Variants in SMC4 observed in about 807,000 individuals in gnomAD.
SMC4 encodes structural maintenance of chromosomes protein 4.
SMC4 carries 87 observed loss-of-function variants against 145.6 expected under a neutral mutation model. The ratio of observed to expected loss-of-function variants is 0.60; its 90% CI spans 0.50 to 0.71. SMC4 has a LOEUF of 0.71. SMC4 is among the 30% of genes least tolerant of loss of function. The probability of loss-of-function intolerance (pLI) is 0.00; values close to 1 mark genes in which losing one functional copy is unlikely to be tolerated. For synonymous variants in SMC4, 558 were observed against 500.7 expected (o/e 1.11, Z -1.53); for missense variants, 1,447 against 1,537.1 (o/e 0.94, Z 0.98).
chr3:160,404,775 G>A (rs777900452), intron 5 of SMC4: 14 of 598,018 alleles, frequency 2.3e-5, no homozygotes, highest in Middle Eastern at 3.5e-4. Context: ...AAATATTGGC[G>A]TAGTGAAATA....
chr3:160,412,139 CA>C, intron 6 of SMC4, 55 bp downstream of exon 6: 2 of 1,558,118 alleles, frequency 1.3e-6, no homozygotes, highest in Non-Finnish European at 8.7e-7. Context: ...TATGATCTAA[CA>C]AATTTTAGTA....
At position 160,404,375 on chromosome 3, in the gene SMC4, C is replaced by T. The variant is rs747718666; in HGVS notation, c.558C>T (p.Ser186=). 11 of 1,609,046 alleles carry T rather than the reference C, an allele frequency of 6.8e-6. No individual in the cohort carries two copies. The East Asian group carries it at 2.0e-4, about 29-fold the overall frequency. ...TTCCTAACAGTAATTTCTATGTATC[C>T]AGAACGGCCTGCAGAGATAATACTT... The part of the protein sequence containing the change: ...EVIPNSNFYV[S]RTACRDNTSV... The change falls in exon 5 of 24, where the codon TCC becomes TCT. Residue 186 remains serine, a synonymous_variant. Transcript: ENST00000357388.
intron 22 of SMC4, 186 bp from the exon 23 acceptor site, chr3:160,432,840 T>C (rs983154790): frequency 2.5e-5 from 14 of 553,630 alleles, no homozygotes; most frequent in African/African-American, 2.1e-4. Context: ...AACTTTGGTA[T>C]GTGCTCCTAT....
chr3:160,433,105 G>C lies in SMC4; in HGVS notation c.3610G>C (p.Val1204Leu), dbSNP rs1157436566. 1 of 1,613,304 alleles carries C rather than the reference G, an allele frequency of 6.2e-7. No homozygotes were observed. Among genetic ancestry groups the C allele is most frequent in the Non-Finnish European group, 8.5e-7 (1 of 1,179,342 alleles). The change falls in exon 23 of 24, where the codon GTA (valine) becomes CTA (leucine). Residue 1204 changes from valine to leucine, a missense_variant. By Grantham distance (32) the Val-to-Leu change is conservative. Coordinates refer to ENST00000357388, the MANE Select transcript of SMC4 (RefSeq NM_001002800.3). ...GAAAACACTTAGTTCATTGGCTTTA[G>C]TATTTGCTCTTCACCACTACAAGCC... ...GEKTLSSLALVFALHHYKPTP... is the reference protein window; with the variant it reads ...GEKTLSSLALLFALHHYKPTP...
intron 22 of SMC4, chr3:160,432,753 G>A (rs534155427): frequency 3.8e-6 from 2 of 525,438 alleles, no homozygotes; most frequent in South Asian, 6.2e-5. Flanking sequence ...TTTTTAACAT[G>A]AGGATTGAGA....
chr3:160,401,563 C>T (rs1270292956), intron 2 of SMC4, among the ~76,000 whole-genome samples: 2 of 152,134 alleles, frequency 1.3e-5, no homozygotes, highest in East Asian at 1.9e-4. Flanking sequence ...TAGGATTTAA[C>T]CTCCTGTTTA....
rs747640877 is a variant in SMC4 at position 160,423,384 on chromosome 3, T to G, written c.2020-41T>G. 9 of 1,229,164 alleles carry G rather than the reference T, an allele frequency of 7.3e-6. No homozygotes were observed. The Admixed American group carries it at 2.3e-4, about 31-fold the overall frequency. The allele number at this position is 1,229,164 out of a possible 1,614,324, so 76.1% of individuals were successfully genotyped here. On this transcript the variant is annotated intron_variant, in intron 13 of 23. Coordinates refer to ENST00000357388, the MANE Select transcript of SMC4 (RefSeq NM_001002800.3). The stretch of plus-strand genomic sequence containing the variant: ...GTTTTTTTTTTTGAGTTTTCTTTTT[T>G]GTTAACTGTTGTTTTTGTTTGTTTG...
chr3:160,400,939 G>A lies in SMC4; in HGVS notation c.113G>A (p.Arg38His). ...SDAEPEPPSG[R>H]TESPATAAET... ...GCGGAGCCTGAGCCGCCGTCCGGCC[G>A]CACGGAGAGCCCAGCCACCGCCGCA... Residue 38 changes from arginine (R) to histidine (H), a missense_variant, in exon 2 of 24, where the codon CGC becomes CAC. Coordinates refer to ENST00000357388, the MANE Select transcript of SMC4 (RefSeq NM_001002800.3). The A allele has an allele frequency of 6.9e-7, 1 of 1,459,502 alleles. No individual in the cohort carries two copies. The highest frequency in any genetic ancestry group is 9.0e-7 in the Non-Finnish European group (1 of 1,116,216). The allele number at this position is 1,459,502 out of a possible 1,614,324, so 90.4% of individuals were successfully genotyped here.
intron 2 of SMC4, 104 bp from the exon 3 acceptor site, chr3:160,401,811 C>G (rs1378094072): frequency 2.5e-6 from 2 of 813,370 alleles, no homozygotes; most frequent in Non-Finnish European, 3.9e-6. Flanking sequence ...CCCTCCATCC[C>G]CTACTTTAAA....
rs369619532 is a variant in SMC4, at chr3:160,424,480, G to A, written c.2326-387G>A. Among the ~76,000 whole-genome samples the A allele has an allele frequency of 8.4e-4, 128 of 152,220 alleles. 1 individual carries two copies. In the South Asian group the frequency reaches 0.026, roughly 31 times the overall value. On this transcript the variant is annotated intron_variant, in intron 15 of 23. Transcript: ENST00000357388. The stretch of plus-strand genomic sequence containing the variant: ...CTCCTGAACTTTAAGATTGGGATTG[G>A]AACAGGTGGTTTGATTTTGTTCTGG...
chr3:160,423,587 G>A lies in SMC4; in HGVS notation c.2182G>A (p.Ala728Thr), dbSNP rs1717435458. 2 of 1,613,754 alleles carry A rather than the reference G, an allele frequency of 1.2e-6. No individual in the cohort carries two copies. Among genetic ancestry groups the A allele is most frequent in the East Asian group, 4.5e-5 (2 of 44,844 alleles). ...ADNLDQATRV[A>T]YQKDRRWRVV... ...CAACTTGGATCAAGCCACAAGAGTAGCATATCAAAAAGATAGAAGATGGAG... is the reference window on the plus strand; with the variant it reads ...CAACTTGGATCAAGCCACAAGAGTAACATATCAAAAAGATAGAAGATGGAG... The change falls in exon 14 of 24, where the codon GCA becomes ACA. Residue 728 changes from alanine (A) to threonine (T), a missense_variant. Transcript: ENST00000357388.
chr3:160,418,722 G>A (rs1304074248), intron 11 of SMC4, among the ~76,000 whole-genome samples: 2 of 152,092 alleles, frequency 1.3e-5, no homozygotes, highest in African/African-American at 2.4e-5. Context: ...AGTACAGTAA[G>A]TAATAGACAT....
At chr3:160,431,581 T>A (rs2108505465) in intron 20 of SMC4, 62 bp from the exon 21 acceptor site, 4 of 1,225,394 alleles carry the variant, frequency 3.3e-6, no homozygotes, top group Non-Finnish European at 3.4e-6. Context: ...TATTTTTTTT[T>A]AAACAATGAA....
rs1368863902 is a variant in SMC4, at chr3:160,432,383, A to G, written c.3398A>G (p.Asn1133Ser). The change falls in exon 22 of 24, where the codon AAT becomes AGT. Residue 1133 changes from asparagine (N) to serine (S), a missense_variant. Coordinates refer to ENST00000357388, the MANE Select transcript of SMC4 (RefSeq NM_001002800.3). ...AYEDLRKQRL[N>S]EFMAGFYIIT... ...GAAGATCTTCGGAAACAAAGGCTTA[A>G]TGAATTTATGGCAGGTTTTTATATA... The G allele has an allele frequency of 6.2e-7, 1 of 1,613,684 alleles. No individual in the cohort carries two copies. The highest frequency in any genetic ancestry group is 1.7e-5 in the Admixed American group (1 of 60,022).
rs1315234365 is a variant in SMC4 at position 160,426,071 on chromosome 3, T to TA, written c.2479-2dup. The TA allele has an allele frequency of 1.3e-6, 2 of 1,580,586 alleles. No homozygotes were observed. Among genetic ancestry groups the TA allele is most frequent in the Non-Finnish European group, 1.7e-6 (2 of 1,166,182 alleles). On this transcript the variant is annotated splice_polypyrimidine_tract_variant and splice_region_variant and intron_variant, in intron 16 of 23. Coordinates refer to ENST00000357388, the MANE Select transcript of SMC4 (RefSeq NM_001002800.3). ...GACCTTAAATGTTAAAACTTTTTTGTAGCGTTTAATAGAGCAAGAAGAATA... is the reference window on the plus strand; with the variant it reads ...GACCTTAAATGTTAAAACTTTTTTGTAAGCGTTTAATAGAGCAAGAAGAATA...
rs1278415524 is a variant in SMC4, at chr3:160,419,421, C to T, written c.1735C>T (p.Leu579Phe). Residue 579 changes from leucine to phenylalanine, a missense_variant, in exon 12 of 24, where the codon CTC becomes TTC. Transcript: ENST00000357388. ...ETNFKSLVHD[L>F]FQKVEEAKSS... ...AAACTTTAAAAGTTTGGTTCATGAT[C>T]TCTTTCAAAAAGTTGAAGAAGCAAA... 4 of 1,612,102 alleles carry T rather than the reference C, an allele frequency of 2.5e-6. No individual in the cohort carries two copies. The highest frequency in any genetic ancestry group is 3.4e-5 in the Admixed American group (2 of 59,610).
chr3:160,414,632 T>G lies in SMC4; in HGVS notation c.1272+115T>G, dbSNP rs926129951. 2.8e-6 allele frequency: 3 copies of G among 1,069,770 alleles called. No individual in the cohort carries two copies. The Middle Eastern group carries it at 9.2e-4, about 329-fold the overall frequency. 66.3% of individuals were successfully genotyped at this position (1,069,770 alleles called of 1,614,324 possible). A position where few individuals can be genotyped will look rare whatever the true frequency, so the allele number is the denominator to read the frequency against. On this transcript the variant is annotated intron_variant, in intron 9 of 23. Transcript: ENST00000357388. ...ATGAATTAGTATTCTAAATGTTGTTTTAAGGTTTGTCTCTGAACATGATTT... is the reference window on the plus strand; with the variant it reads ...ATGAATTAGTATTCTAAATGTTGTTGTAAGGTTTGTCTCTGAACATGATTT...
intron 11 of SMC4, 107 bp from the exon 12 acceptor site, chr3:160,419,251 G>T: frequency 4.1e-6 from 3 of 739,660 alleles, no homozygotes; most frequent in Non-Finnish European, 4.1e-6. Context: ...TTTTATTGTT[G>T]GTCTTTCTTT....
At chr3:160,433,315 T>G in intron 23 of SMC4, 106 bp downstream of exon 23, 1 of 760,300 alleles carries the variant, frequency 1.3e-6, no homozygotes, top group Non-Finnish European at 2.1e-6. Context: ...CTTTATTGTC[T>G]AATAACTCCA....
Sources: gnomAD v4.1 joint callset for allele counts (sites outside exome capture counted in the v4.1 genomes callset) on GRCh38, gnomAD v4.1.1 for gene constraint, MANE v1.5 for transcripts, NCBI Gene and HGNC (gene_info 2026-07-23, HGNC 2026-07-21) for gene names.